The following DGAT1 variants were observed in gnomAD, a reference collection of about 807,000 sequenced individuals.
DGAT1 encodes the protein diacylglycerol O-acyltransferase 1.
DGAT1 carries 60 observed loss-of-function variants against 72.6 expected under a neutral mutation model. The observed-to-expected ratio is 0.83, with a 90% confidence interval of 0.67 to 1.02. DGAT1 has a LOEUF of 1.02. DGAT1 is among the 50% of genes least tolerant of loss of function. The probability of loss-of-function intolerance (pLI) is 0.00; values close to 1 mark genes in which losing one functional copy is unlikely to be tolerated. For synonymous variants in DGAT1, 290 were observed against 267.5 expected (o/e 1.08, Z -0.82); for missense variants, 592 against 670.0 (o/e 0.88, Z 1.29).
rs1817350984 is a variant in DGAT1, at chr8:144,318,865, A to C, written c.385T>G (p.Tyr129Asp). The C allele has an allele frequency of 6.2e-7, 1 of 1,612,148 alleles. No individual in the cohort carries two copies. The highest frequency in any genetic ancestry group is 8.5e-7 in the Non-Finnish European group (1 of 1,179,200). The change falls in exon 4 of 17, where the codon TAT (tyrosine) becomes GAT (aspartate). Residue 129 changes from tyrosine (Y) to aspartate (D), a missense_variant. Tyr to Asp is a radical substitution (Grantham distance 160). Transcript: ENST00000528718. The stretch of plus-strand genomic sequence containing the variant: ...ACCAGGCATGGGGCGGGCCAGCTAT[A>C]GGGATCCTTCAGGAACAGAGAAACC... ...QVVSLFLKDP[Y>D]SWPAPCLVIA...
chr8:144,324,790 G>A (rs559036509), intron 1 of DGAT1, among the ~76,000 whole-genome samples: 39 of 152,218 alleles, frequency 2.6e-4, no homozygotes, highest in African/African-American at 6.3e-4. Context: ...ATTCCCGGCC[G>A]GGCGCGGTGG....
rs1554847721 is a variant in DGAT1, at chr8:144,318,710, G to A, written c.457C>T (p.Arg153Cys). ...FAVAAFQVEKRLAVGALTEQA... is the reference protein window; with the variant it reads ...FAVAAFQVEKCLAVGALTEQA... ...GGGGCACTGCTTACCACCGCCAGGC[G>A]CTTCTCAACCTGGAATGCAGCCACA... is the stretch of plus-strand genomic sequence containing the variant. Residue 153 changes from arginine (R) to cysteine (C), a missense_variant, in exon 5 of 17, where the codon CGC (arginine) becomes TGC (cysteine). Arg to Cys is a radical substitution (Grantham distance 180). Transcript: ENST00000528718. 11 of 1,608,586 alleles carry A rather than the reference G, an allele frequency of 6.8e-6. No homozygotes were observed. The highest frequency in any genetic ancestry group is 2.2e-5 in the East Asian group (1 of 44,674).
In DGAT1 at chr8:144,316,480, G is replaced by A. The variant is rs1203363779; in HGVS notation, c.*74C>T. 6.7e-6 allele frequency: 10 copies of A among 1,489,734 alleles called. No individual in the cohort carries two copies. The highest frequency in any genetic ancestry group is 9.0e-6 in the Non-Finnish European group (10 of 1,115,144). The allele number at this position is 1,489,734 out of a possible 1,614,324, so 92.3% of individuals were successfully genotyped here. ...GCAGCCAGGCCCATCCCCAGCACTC[G>A]AGGCCTAGGAGGAGAGGTGGGCTCT... On this transcript the variant is annotated 3_prime_UTR_variant, in exon 17 of 17. Transcript: ENST00000528718.
In DGAT1 at chr8:144,315,296, G is replaced by A; in HGVS notation, c.*1258C>T. 3 of 985,496 alleles carry A rather than the reference G, an allele frequency of 3.0e-6. No homozygotes were observed. Among genetic ancestry groups the A allele is most frequent in the Non-Finnish European group, 3.6e-6 (3 of 829,964 alleles). 61.0% of individuals were successfully genotyped at this position (985,496 alleles called of 1,614,324 possible). A position where few individuals can be genotyped will look rare whatever the true frequency, so the allele number is the denominator to read the frequency against. ...ACCCACTACTGCCATCCTCAGCAGGGCCCAAGGAGATGCCTCCATCTCAGG... is the reference window on the plus strand; with the variant it reads ...ACCCACTACTGCCATCCTCAGCAGGACCCAAGGAGATGCCTCCATCTCAGG... On this transcript the variant is annotated 3_prime_UTR_variant, in exon 17 of 17. Transcript: ENST00000528718.
chr8:144,316,312 A>G lies in DGAT1; in HGVS notation c.*242T>C. 1.8e-6 allele frequency: 1 copy of G among 554,582 alleles called. No individual in the cohort carries two copies. The highest frequency in any genetic ancestry group is 3.1e-5 in the East Asian group (1 of 32,170). The allele number at this position is 554,582 out of a possible 1,614,324, so 34.4% of individuals were successfully genotyped here. A position where few individuals can be genotyped will look rare whatever the true frequency, so the allele number is the denominator to read the frequency against. Reference sequence around the variant, plus strand: ...GAGGTCACTGGACAGCACTTTATTGACACCCTCGGACCCGGGGCAGGGTCA... The same window carrying G: ...GAGGTCACTGGACAGCACTTTATTGGCACCCTCGGACCCGGGGCAGGGTCA... On this transcript the variant is annotated 3_prime_UTR_variant, in exon 17 of 17. Transcript: ENST00000528718.
intron 1 of DGAT1, among the ~76,000 whole-genome samples, chr8:144,321,676 G>A (rs1817463452): frequency 6.6e-6 from 1 of 152,256 alleles, no homozygotes; most frequent in African/African-American, 2.4e-5. Flanking sequence ...TGCCCGGACT[G>A]GACCTACATG....
rs1283811561 is a variant in DGAT1, at chr8:144,316,502, C to T, written c.*52G>A. The stretch of plus-strand genomic sequence containing the variant: ...CTCGAGGCCTAGGAGGAGAGGTGGG[C>T]TCTGGCAGCGGGTGTGAGGTGGCAG... On this transcript the variant is annotated 3_prime_UTR_variant, in exon 17 of 17. Coordinates refer to ENST00000528718, the MANE Select transcript of DGAT1 (RefSeq NM_012079.6). 11 of 1,526,364 alleles carry T rather than the reference C, an allele frequency of 7.2e-6. No homozygotes were observed. The Admixed American group carries it at 1.8e-4, about 25-fold the overall frequency. 94.6% of individuals were successfully genotyped at this position (1,526,364 alleles called of 1,614,324 possible). A position where few individuals can be genotyped will look rare whatever the true frequency, so the allele number is the denominator to read the frequency against.
chr8:144,318,201 T>A, intron 7 of DGAT1, 32 bp from the exon 8 acceptor site: 1 of 1,609,248 alleles, frequency 6.2e-7, no homozygotes, highest in Non-Finnish European at 8.5e-7. Flanking sequence ...AGGGGGCTGG[T>A]GGGGCCCTGC....
chr8:144,319,729 G>C (rs1304813123), intron 2 of DGAT1, among the ~76,000 whole-genome samples: 1 of 152,162 alleles, frequency 6.6e-6, no homozygotes, highest in Non-Finnish European at 1.5e-5. Context: ...ATGGAATAAG[G>C]CTCTTGGGAC....
chr8:144,325,029 A>C (rs924273360), intron 1 of DGAT1, among the ~76,000 whole-genome samples: 26 of 151,856 alleles, frequency 1.7e-4, no homozygotes, highest in Non-Finnish European at 3.2e-4. Flanking sequence ...GTGCCATTTT[A>C]CTCCAGCCTG....
At position 144,315,798 on chromosome 8, in the gene DGAT1, TGAA is replaced by T. The variant is rs1817187147; in HGVS notation, c.*753_*755del. On this transcript the variant is annotated 3_prime_UTR_variant, in exon 17 of 17. Coordinates refer to ENST00000528718, the MANE Select transcript of DGAT1 (RefSeq NM_012079.6). ...CCCACCTGGCTGCCCAGGTTCCAAG[TGAA>T]GGAAAGAGGCTGCCAAACCGAGCCC... 3.5e-5 allele frequency: 34 copies of T among 974,076 alleles called. No individual in the cohort carries two copies. Among genetic ancestry groups the T allele is most frequent in the Non-Finnish European group, 4.1e-5 (34 of 819,680 alleles). The allele number at this position is 974,076 out of a possible 1,614,324, so 60.3% of individuals were successfully genotyped here.
intron 14 of DGAT1, 35 bp downstream of exon 14, chr8:144,317,152 A>G (rs1564630588): frequency 6.2e-7 from 1 of 1,610,882 alleles, no homozygotes; most frequent in Admixed American, 1.7e-5. Flanking sequence ...GTTCACAGCC[A>G]TGTTCCACAT....
At chr8:144,319,391 G>A (rs1588683931) in intron 2 of DGAT1, among the ~76,000 whole-genome samples, 1 of 152,198 alleles carries the variant, frequency 6.6e-6, no homozygotes, top group African/African-American at 2.4e-5. Flanking sequence ...CTGCTGATCT[G>A]CTCACATCCC....
At position 144,326,700 on chromosome 8, in the gene DGAT1, C is replaced by T; in HGVS notation, c.-64G>A. 2 of 1,123,500 alleles carry T rather than the reference C, an allele frequency of 1.8e-6. No individual in the cohort carries two copies. Among genetic ancestry groups the T allele is most frequent in the East Asian group, 5.3e-5 (1 of 18,936 alleles). 69.6% of individuals were successfully genotyped at this position (1,123,500 alleles called of 1,614,324 possible). A position where few individuals can be genotyped will look rare whatever the true frequency, so the allele number is the denominator to read the frequency against. On this transcript the variant is annotated 5_prime_UTR_variant, in exon 1 of 17. Coordinates refer to ENST00000528718, the MANE Select transcript of DGAT1 (RefSeq NM_012079.6). ...CGCCGGGTTCGTAGCGCCCGAGGCGCGCGGCCCCACCTCCGGGCCCTAGAC... is the reference window on the plus strand; with the variant it reads ...CGCCGGGTTCGTAGCGCCCGAGGCGTGCGGCCCCACCTCCGGGCCCTAGAC...
intron 1 of DGAT1, among the ~76,000 whole-genome samples, chr8:144,324,498 G>A (rs1007285975): frequency 6.6e-6 from 1 of 152,178 alleles, no homozygotes; most frequent in Non-Finnish European, 1.5e-5. Context: ...AAGTCCTGGA[G>A]ACCCAGGAGC....
In DGAT1 at chr8:144,314,823, G is replaced by C. The variant is rs1330832998; in HGVS notation, c.*1731C>G. Reference sequence around the variant, plus strand: ...AAGGGCCGGGCTGCAGTGGCCTCCTGGGGGAAGACGGATGCTTGCAGCTAG... The same window carrying C: ...AAGGGCCGGGCTGCAGTGGCCTCCTCGGGGAAGACGGATGCTTGCAGCTAG... On this transcript the variant is annotated 3_prime_UTR_variant, in exon 17 of 17. Transcript: ENST00000528718. 2.3e-6 allele frequency: 2 copies of C among 861,552 alleles called. No individual in the cohort carries two copies. Among genetic ancestry groups the C allele is most frequent in the South Asian group, 1.0e-4 (2 of 19,192 alleles). 53.4% of individuals were successfully genotyped at this position (861,552 alleles called of 1,614,324 possible).
chr8:144,319,081 G>C lies in DGAT1; in HGVS notation c.289-13C>G. On this transcript the variant is annotated splice_polypyrimidine_tract_variant and intron_variant, in intron 2 of 16. Coordinates refer to ENST00000528718, the MANE Select transcript of DGAT1 (RefSeq NM_012079.6). ...CATTGCTCAAGATCTGCGAGGGATGGACAGGAGGGTGCAGCCCCTTTAGTC... is the reference window on the plus strand; with the variant it reads ...CATTGCTCAAGATCTGCGAGGGATGCACAGGAGGGTGCAGCCCCTTTAGTC... 6.4e-7 allele frequency: 1 copy of C among 1,552,768 alleles called. No individual in the cohort carries two copies. Among genetic ancestry groups the C allele is most frequent in the Non-Finnish European group, 8.7e-7 (1 of 1,147,854 alleles).
intron 1 of DGAT1, among the ~76,000 whole-genome samples, chr8:144,322,208 G>A (rs567619734): frequency 1.3e-5 from 2 of 152,226 alleles, no homozygotes; most frequent in South Asian, 4.2e-4. Context: ...CCCAATAGAG[G>A]GACTGCCATA....
At position 144,315,253 on chromosome 8, in the gene DGAT1, TC is replaced by T; in HGVS notation, c.*1300del. The T allele has an allele frequency of 4.1e-6, 4 of 985,246 alleles. No individual in the cohort carries two copies. Among genetic ancestry groups the T allele is most frequent in the South Asian group, 4.7e-5 (1 of 21,276 alleles). The allele number at this position is 985,246 out of a possible 1,614,324, so 61.0% of individuals were successfully genotyped here. Reference sequence around the variant, plus strand: ...GATGGAGGAGTCGGCCCCACACCCATCCCCCCACCAGGAGCTCACCCACTAC... The same window carrying T: ...GATGGAGGAGTCGGCCCCACACCCATCCCCCACCAGGAGCTCACCCACTAC... On this transcript the variant is annotated 3_prime_UTR_variant, in exon 17 of 17. Coordinates refer to ENST00000528718, the MANE Select transcript of DGAT1 (RefSeq NM_012079.6).
Sources: allele counts gnomAD v4.1 joint callset (sites outside exome capture counted in the v4.1 genomes callset), GRCh38; gene constraint gnomAD v4.1.1; transcripts MANE v1.5; gene names NCBI Gene and HGNC (gene_info 2026-07-23, HGNC 2026-07-21).